Variants in IQGAP2 observed in about 807,000 individuals in gnomAD.
IQGAP2 encodes ras GTPase-activating-like protein IQGAP2.
In IQGAP2, 173 loss-of-function variants were observed where a neutral mutation model predicts 201.3. That is an observed-to-expected ratio of 0.86 (90% confidence interval 0.76 to 0.98). The LOEUF is 0.98. Ranked by LOEUF, IQGAP2 falls within the 50% of genes least tolerant of loss-of-function variation. IQGAP2 has a pLI of 0.00. For missense variants in IQGAP2, 1,687 were observed against 1,864.8 expected (o/e 0.90, Z 1.76); for synonymous variants, 675 against 673.9 (o/e 1.00, Z -0.03).
chr5:76,569,951 AT>A (rs1423121232), intron 3 of IQGAP2, among the ~76,000 whole-genome samples: 1 of 152,206 alleles, frequency 6.6e-6, no homozygotes, highest in African/African-American at 2.4e-5. Context: ...AGCTATTTTT[AT>A]TGTAGGGGTA....
chr5:76,566,318 G>A (rs1386936307), intron 3 of IQGAP2, among the ~76,000 whole-genome samples: 1 of 152,170 alleles, frequency 6.6e-6, no homozygotes. Flanking sequence ...CTCAGAGGAG[G>A]AGTTTACTCT....
At chr5:76,452,844 T>G (rs1753845093) in intron 1 of IQGAP2, among the ~76,000 whole-genome samples, 1 of 152,092 alleles carries the variant, frequency 6.6e-6, no homozygotes, top group Admixed American at 6.6e-5. Context: ...AAAGACTAAA[T>G]TAGCTAACCT....
At chr5:76,618,706 T>A in intron 13 of IQGAP2, 1 of 1,308,988 alleles carries the variant, frequency 7.6e-7, no homozygotes, top group African/African-American at 1.5e-5. Context: ...TGTGTTTAAT[T>A]ATTTGTAAAT....
intron 1 of IQGAP2, among the ~76,000 whole-genome samples, chr5:76,443,572 C>T (rs1451383618): frequency 6.6e-6 from 1 of 151,836 alleles, no homozygotes; most frequent in Admixed American, 6.6e-5. Flanking sequence ...CTGCTTGGCA[C>T]CCAATCCTTG....
intron 22 of IQGAP2, among the ~76,000 whole-genome samples, chr5:76,667,672 C>G (rs1263905346): frequency 6.6e-6 from 1 of 152,124 alleles, no homozygotes; most frequent in Admixed American, 6.6e-5. Flanking sequence ...CCCTTATCAA[C>G]TGTCCTGACC....
chr5:76,645,728 A>C (rs1200014573), intron 17 of IQGAP2, among the ~76,000 whole-genome samples: 1 of 152,178 alleles, frequency 6.6e-6, no homozygotes, highest in African/African-American at 2.4e-5. Context: ...ACGTAAAAAA[A>C]CTCATAAATA....
chr5:76,678,416 C>T (rs1280200765), intron 28 of IQGAP2, among the ~76,000 whole-genome samples: 1 of 148,862 alleles, frequency 6.7e-6, no homozygotes, highest in Non-Finnish European at 1.5e-5. Context: ...ACTTTTCAAA[C>T]ATTAAAATTA....
intron 2 of IQGAP2, among the ~76,000 whole-genome samples, chr5:76,484,071 T>C (rs1755963466): frequency 6.6e-6 from 1 of 151,928 alleles, no homozygotes; most frequent in Non-Finnish European, 1.5e-5. Context: ...TCATTTTTTT[T>C]TTTCCTGTCC....
At chr5:76,473,883 C>G (rs1041102455) in intron 2 of IQGAP2, among the ~76,000 whole-genome samples, 2 of 152,286 alleles carry the variant, frequency 1.3e-5, no homozygotes, top group East Asian at 3.9e-4. Context: ...TGAACCTCCC[C>G]ACCGGAAGCT....
At chr5:76,685,860 A>G (rs1345473958) in intron 30 of IQGAP2, among the ~76,000 whole-genome samples, 1 of 152,220 alleles carries the variant, frequency 6.6e-6, no homozygotes, top group African/African-American at 2.4e-5. Flanking sequence ...GTGTGCAACC[A>G]TCACTGTTGT....
At position 76,606,277 on chromosome 5, in the gene IQGAP2, A is replaced by G; in HGVS notation, c.1331A>G (p.Asn444Ser). The change falls in exon 12 of 36, where the codon AAT becomes AGT. Residue 444 changes from asparagine to serine, a missense_variant. By Grantham distance (46) the Asn-to-Ser change is conservative. Coordinates refer to ENST00000274364, the MANE Select transcript of IQGAP2 (RefSeq NM_006633.5). ...NEIQNCIDMVNAQIQEENDRV... is the reference protein window; with the variant it reads ...NEIQNCIDMVSAQIQEENDRV... ...ATTCAGAATTGTATTGATATGGTTA[A>G]TGCTCAAATTCAAGAAGAAAATGAC... is the stretch of plus-strand genomic sequence containing the variant. 1 of 1,600,138 alleles carries G rather than the reference A, an allele frequency of 6.2e-7. No individual in the cohort carries two copies. Among genetic ancestry groups the G allele is most frequent in the East Asian group, 2.3e-5 (1 of 44,412 alleles).
intron 17 of IQGAP2, among the ~76,000 whole-genome samples, chr5:76,643,018 C>T (rs1376409711): frequency 6.6e-6 from 1 of 150,434 alleles, no homozygotes; most frequent in Non-Finnish European, 1.5e-5. Flanking sequence ...CTGAGTGAGC[C>T]AGAAAAAAAA....
At position 76,707,202 on chromosome 5, in the gene IQGAP2, T is replaced by C. The variant is rs763749300; in HGVS notation, c.4617T>C (p.Asp1539=). 2 of 1,323,798 alleles carry C rather than the reference T, an allele frequency of 1.5e-6. No homozygotes were observed. Among genetic ancestry groups the C allele is most frequent in the South Asian group, 2.4e-5 (2 of 83,540 alleles). The allele number at this position is 1,323,798 out of a possible 1,614,324, so 82.0% of individuals were successfully genotyped here. ...AATGATGCTTTTTACAATTTCAGGA[T>C]TTACTTCAGATGCAATATGAAGGAG... The part of the protein sequence containing the change: ...EMEKVQLNIQ[D]LLQMQYEGVA... The change falls in exon 36 of 36, where the codon GAT becomes GAC. Residue 1539 remains aspartate, a splice_region_variant and synonymous_variant. Transcript: ENST00000274364.
intron 4 of IQGAP2, among the ~76,000 whole-genome samples, chr5:76,572,389 C>T: frequency 6.6e-6 from 1 of 151,938 alleles, no homozygotes; most frequent in Non-Finnish European, 1.5e-5. Flanking sequence ...GTTTTGAACT[C>T]CTGACCTCAG....
At chr5:76,537,539 G>A (rs531734217) in intron 2 of IQGAP2, among the ~76,000 whole-genome samples, 1 of 150,756 alleles carries the variant, frequency 6.6e-6, no homozygotes, top group Admixed American at 6.6e-5. Context: ...AGGTCAGACT[G>A]TAGTTGTCGA....
At chr5:76,580,478 T>C (rs1467714526) in intron 5 of IQGAP2, among the ~76,000 whole-genome samples, 1 of 152,130 alleles carries the variant, frequency 6.6e-6, no homozygotes, top group African/African-American at 2.4e-5. Context: ...AAAAAACAGA[T>C]ATAGAAGAAA....
At chr5:76,532,123 T>C (rs547523015) in intron 2 of IQGAP2, among the ~76,000 whole-genome samples, 2 of 152,340 alleles carry the variant, frequency 1.3e-5, no homozygotes, top group Admixed American at 1.3e-4. Context: ...AAGCATTCAG[T>C]TCATTGCGGG....
chr5:76,665,235 G>T lies in IQGAP2; in HGVS notation c.2679+60G>T. The T allele has an allele frequency of 3.5e-6, 5 of 1,440,330 alleles. No individual in the cohort carries two copies. In the South Asian group the frequency reaches 6.1e-5, roughly 18 times the overall value. 89.2% of individuals were successfully genotyped at this position (1,440,330 alleles called of 1,614,324 possible). On this transcript the variant is annotated intron_variant, in intron 22 of 35. Coordinates refer to ENST00000274364, the MANE Select transcript of IQGAP2 (RefSeq NM_006633.5). ...AGTAATACTATGTTACATGTTTGTGGCTTACAGGGAGTATTTTGTCATGCT... is the reference window on the plus strand; with the variant it reads ...AGTAATACTATGTTACATGTTTGTGTCTTACAGGGAGTATTTTGTCATGCT...
chr5:76,472,092 G>A (rs1755144620), intron 2 of IQGAP2, among the ~76,000 whole-genome samples: 1 of 152,192 alleles, frequency 6.6e-6, no homozygotes, highest in Non-Finnish European at 1.5e-5. Flanking sequence ...CTGAGAGCAG[G>A]GACCCCCTCG....
Sources: allele counts gnomAD v4.1 joint callset (sites outside exome capture counted in the v4.1 genomes callset), GRCh38; gene constraint gnomAD v4.1.1; transcripts MANE v1.5; gene names NCBI Gene and HGNC (gene_info 2026-07-23, HGNC 2026-07-21).